The following TECTB variants were observed in gnomAD, a reference collection of about 807,000 sequenced individuals.
TECTB encodes the protein tectorin beta.
TECTB carries 45 observed loss-of-function variants against 43.3 expected under a neutral mutation model. That is an observed-to-expected ratio of 1.04 (90% CI 0.82 to 1.33). The LOEUF is 1.33. Among genes scored for constraint, TECTB ranks in the 40% most tolerant of loss-of-function variants. TECTB has a pLI of 0.00. For missense variants in TECTB, 399 were observed against 404.7 expected, an observed-to-expected ratio of 0.99 and a Z score of 0.12; for synonymous variants, 169 against 156.7, an observed-to-expected ratio of 1.08 and a Z score of -0.59.
intron 3 of TECTB, among the ~76,000 whole-genome samples, chr10:112,285,375 C>T (rs1848445308): frequency 6.6e-6 from 1 of 152,162 alleles, no homozygotes; most frequent in South Asian, 2.1e-4. Flanking sequence ...TGCCAGAAGG[C>T]TGTGCATCTA....
At chr10:112,284,757 T>G in intron 3 of TECTB, 32 bp downstream of exon 3, 1 of 1,454,016 alleles carries the variant, frequency 6.9e-7, no homozygotes, top group Non-Finnish European at 9.1e-7. Context: ...CAGAGTTGTT[T>G]AAGGTAAGGC....
chr10:112,293,604 T>C, intron 5 of TECTB, 134 bp from the exon 6 acceptor site: 1 of 705,652 alleles, frequency 1.4e-6, no homozygotes, highest in South Asian at 1.8e-5. Flanking sequence ...TCTTGGAGGA[T>C]CACTCTATGG....
At chr10:112,291,827 T>A (rs564353691) in intron 5 of TECTB, among the ~76,000 whole-genome samples, 56 of 152,182 alleles carry the variant, frequency 3.7e-4, no homozygotes, top group Non-Finnish European at 6.6e-4. Context: ...TCCATGGTAA[T>A]GCTTTTGTCT....
At chr10:112,287,240 G>T (rs1380677956) in intron 5 of TECTB, among the ~76,000 whole-genome samples, 1 of 152,166 alleles carries the variant, frequency 6.6e-6, no homozygotes, top group Non-Finnish European at 1.5e-5. Flanking sequence ...GCTTAATTTG[G>T]GCAGGCTGCC....
intron 8 of TECTB, among the ~76,000 whole-genome samples, chr10:112,298,806 T>C (rs1019499384): frequency 6.6e-6 from 1 of 152,210 alleles, no homozygotes; most frequent in Non-Finnish European, 1.5e-5. Flanking sequence ...CGGTGCTCAC[T>C]CAAGCCTGAG....
rs1848630717 is a variant in TECTB at position 112,303,640 on chromosome 10, C to A, written c.*328C>A. 4 of 322,424 alleles carry A rather than the reference C, an allele frequency of 1.2e-5. No individual in the cohort carries two copies. In the Middle Eastern group the frequency reaches 2.7e-3, roughly 221 times the overall value. The allele number at this position is 322,424 out of a possible 1,614,324, so 20.0% of individuals were successfully genotyped here. Reference sequence around the variant, plus strand: ...AACTTTAAAAGGTTAGCAGACCCAACCAAGTACTGCTGAGCATTTTGAAGA... The same window carrying A: ...AACTTTAAAAGGTTAGCAGACCCAAACAAGTACTGCTGAGCATTTTGAAGA... On this transcript the variant is annotated 3_prime_UTR_variant, in exon 11 of 11. Transcript: ENST00000646139.
chr10:112,295,583 C>A (rs1235443383), intron 7 of TECTB, among the ~76,000 whole-genome samples: 1 of 152,218 alleles, frequency 6.6e-6, no homozygotes, highest in African/African-American at 2.4e-5. Flanking sequence ...GAGATGGCAG[C>A]TTAATCTGGG....
chr10:112,301,744 T>C (rs1168050505), intron 9 of TECTB, among the ~76,000 whole-genome samples: 1 of 151,902 alleles, frequency 6.6e-6, no homozygotes, highest in East Asian at 1.9e-4. Context: ...TTTATTTATT[T>C]ATTTATATTT....
intron 9 of TECTB, among the ~76,000 whole-genome samples, chr10:112,300,407 A>G (rs1205801625): frequency 6.6e-6 from 1 of 152,122 alleles, no homozygotes; most frequent in East Asian, 1.9e-4. Context: ...CAAGTCAAAA[A>G]ACCTTTACTG....
chr10:112,287,345 T>G (rs894338700), intron 5 of TECTB, among the ~76,000 whole-genome samples: 1 of 152,210 alleles, frequency 6.6e-6, no homozygotes, highest in Non-Finnish European at 1.5e-5. Context: ...GCCCAGCTGC[T>G]CTCCTCTTTA....
At chr10:112,300,250 G>GA (rs1331931656) in intron 9 of TECTB, among the ~76,000 whole-genome samples, 1 of 42,976 alleles carries the variant, frequency 2.3e-5, no homozygotes, top group Non-Finnish European at 4.7e-5. Flanking sequence ...AAGAAAGAAA[G>GA]AAAGAAAGAA....
intron 5 of TECTB, among the ~76,000 whole-genome samples, chr10:112,288,470 C>G (rs1848472828): frequency 6.6e-6 from 1 of 152,184 alleles, no homozygotes; most frequent in Non-Finnish European, 1.5e-5. Context: ...TGAGGCCCAC[C>G]AAGACCTTTC....
chr10:112,291,278 A>C (rs1340224842), intron 5 of TECTB, among the ~76,000 whole-genome samples: 1 of 152,100 alleles, frequency 6.6e-6, no homozygotes, highest in African/African-American at 2.4e-5. Flanking sequence ...TGCTGAGGAT[A>C]ATGGCTTCCA....
chr10:112,292,125 G>A (rs2133351562), intron 5 of TECTB, among the ~76,000 whole-genome samples: 1 of 145,162 alleles, frequency 6.9e-6, no homozygotes, highest in Admixed American at 7.1e-5. Context: ...GACAGAGCAA[G>A]ACTCCATCTC....
At chr10:112,293,492 G>A (rs146454531) in intron 5 of TECTB, among the ~76,000 whole-genome samples, 124 of 152,324 alleles carry the variant, frequency 8.1e-4, no homozygotes, top group Middle Eastern at 3.4e-3. Flanking sequence ...GAGACATACA[G>A]TGTGTGTCTC....
chr10:112,303,481 C>G lies in TECTB; in HGVS notation c.*169C>G. ...ATAATTTCTGTGAATTTGGTGATGC[C>G]TTTTTCTTTCTAAGAAAAACTTAGG... On this transcript the variant is annotated 3_prime_UTR_variant, in exon 11 of 11. Transcript: ENST00000646139. The G allele has an allele frequency of 1.3e-6, 1 of 781,542 alleles. No homozygotes were observed. The highest frequency in any genetic ancestry group is 1.9e-5 in the South Asian group (1 of 52,432). 48.4% of individuals were successfully genotyped at this position (781,542 alleles called of 1,614,324 possible).
chr10:112,302,214 T>C, intron 10 of TECTB, 81 bp downstream of exon 10: 3 of 1,556,316 alleles, frequency 1.9e-6, no homozygotes, highest in Non-Finnish European at 2.6e-6. Flanking sequence ...AGCTTAACTT[T>C]GGCCCCGGCA....
At chr10:112,289,302 A>G (rs1848479203) in intron 5 of TECTB, among the ~76,000 whole-genome samples, 1 of 152,226 alleles carries the variant, frequency 6.6e-6, no homozygotes, top group South Asian at 2.1e-4. Context: ...CAATCAAAAC[A>G]GTACTGATCA....
chr10:112,296,138 T>G (rs1589640262), intron 7 of TECTB, among the ~76,000 whole-genome samples: 1 of 152,154 alleles, frequency 6.6e-6, no homozygotes, highest in Non-Finnish European at 1.5e-5. Flanking sequence ...TCCAGATGAT[T>G]TTTGCTCACA....
Sources: gnomAD v4.1 joint callset for allele counts (sites outside exome capture counted in the v4.1 genomes callset) on GRCh38, gnomAD v4.1.1 for gene constraint, MANE v1.5 for transcripts, NCBI Gene and HGNC (gene_info 2026-07-23, HGNC 2026-07-21) for gene names.